The following PPIG variants were observed in gnomAD, a reference collection of about 807,000 sequenced individuals.
PPIG encodes peptidylprolyl isomerase G, also known as peptidyl-prolyl cis-trans isomerase G.
Under a neutral mutation model 87.9 loss-of-function variants are expected in PPIG, and 26 were observed. That is an observed-to-expected ratio of 0.30 (90% CI 0.22 to 0.41). PPIG has a LOEUF of 0.41. Ranked by LOEUF, PPIG falls within the 10% of genes least tolerant of loss-of-function variation. PPIG has a pLI of 1.00. For synonymous variants in PPIG, 308 were observed against 276.5 expected, an observed-to-expected ratio of 1.11 and a Z score of -1.13; for missense variants, 722 against 879.4, an observed-to-expected ratio of 0.82 and a Z score of 2.26.
intron 1 of PPIG, among the ~76,000 whole-genome samples, chr2:169,586,052 C>T (rs1044073770): frequency 2.2e-4 from 34 of 152,052 alleles, no homozygotes; most frequent in African/African-American, 7.5e-4. Context: ...AAAATTTACC[C>T]GTTTTAGCAC....
intron 1 of PPIG, chr2:169,584,762 C>CACTCAGGCGCACACCTCCCT (rs1414240959): frequency 3.2e-6 from 1 of 311,254 alleles, no homozygotes; most frequent in African/African-American, 2.3e-5. Flanking sequence ...CCGCCCTCCC[C>CACTCAGGCGCACACCTCCCT]ACTCAGGCGC....
chr2:169,593,142 A>ATATC (rs1553543428), intron 1 of PPIG, among the ~76,000 whole-genome samples: 2 of 150,992 alleles, frequency 1.3e-5, no homozygotes, highest in Admixed American at 6.6e-5. Context: ...ATATATATAT[A>ATATC]TCTTAGGAAT....
chr2:169,588,507 T>TA (rs1159268243), intron 1 of PPIG, among the ~76,000 whole-genome samples: 13 of 152,346 alleles, frequency 8.5e-5, no homozygotes, highest in African/African-American at 2.6e-4. Flanking sequence ...GGTTATCTCT[T>TA]AGAGTTCCTT....
chr2:169,606,907 G>A (rs7578298), intron 5 of PPIG, among the ~76,000 whole-genome samples, 197 bp from the exon 6 acceptor site: 14 of 151,976 alleles, frequency 9.2e-5, no homozygotes, highest in Non-Finnish European at 1.6e-4. Flanking sequence ...TCACATTCTT[G>A]CTATCATAGC....
chr2:169,602,690 C>T (rs1220648107), intron 1 of PPIG, among the ~76,000 whole-genome samples: 3 of 152,136 alleles, frequency 2.0e-5, no homozygotes, highest in African/African-American at 7.2e-5. Context: ...TTTTATTGAG[C>T]AGTGCTGGTC....
At chr2:169,631,969 A>G (rs1686066151) in intron 11 of PPIG, 36 bp downstream of exon 11, 3 of 1,460,316 alleles carry the variant, frequency 2.1e-6, no homozygotes, top group Admixed American at 2.4e-5. Context: ...TACATGGTTT[A>G]CCATAGAACT....
At chr2:169,609,334 C>G (rs1553545824) in intron 7 of PPIG, among the ~76,000 whole-genome samples, 1 of 152,022 alleles carries the variant, frequency 6.6e-6, no homozygotes, top group Non-Finnish European at 1.5e-5. Context: ...CTCAGCCTTT[C>G]AAGTAGATGG....
chr2:169,616,075 A>T (rs1356392807), intron 9 of PPIG, among the ~76,000 whole-genome samples: 1 of 151,928 alleles, frequency 6.6e-6, no homozygotes, highest in Non-Finnish European at 1.5e-5. Context: ...TTCAACTTCC[A>T]CTTTTGAGTG....
chr2:169,636,565 G>A lies in PPIG; in HGVS notation c.1307G>A (p.Arg436Lys), dbSNP rs370131717. 6.1e-5 allele frequency: 98 copies of A among 1,603,184 alleles called. 1 individual carries two copies. In the Middle Eastern group the frequency reaches 1.5e-3, roughly 24 times the overall value. ...VKDHKSNSKE[R>K]DIRRNSEKDD... ...GACCATAAATCTAACAGCAAAGAGA[G>A]AGACATCAGAAGAAATTCAGAAAAA... The change falls in exon 14 of 14, where the codon AGA becomes AAA. Residue 436 changes from arginine to lysine, a missense_variant. Arg to Lys is a conservative substitution (Grantham distance 26, BLOSUM62 2). Coordinates refer to ENST00000260970, the MANE Select transcript of PPIG (RefSeq NM_004792.3).
chr2:169,630,585 A>C (rs113399083), intron 9 of PPIG, among the ~76,000 whole-genome samples, 189 bp from the exon 10 acceptor site: 2 of 152,274 alleles, frequency 1.3e-5, no homozygotes, highest in African/African-American at 4.8e-5. Context: ...TAAAACTTTG[A>C]CCAGTGAATT....
At chr2:169,595,454 T>G (rs1256192881) in intron 1 of PPIG, among the ~76,000 whole-genome samples, 1 of 152,144 alleles carries the variant, frequency 6.6e-6, no homozygotes, top group Non-Finnish European at 1.5e-5. Context: ...ACAATTAAAT[T>G]TTTTTTGAGT....
intron 12 of PPIG, 63 bp from the exon 13 acceptor site, chr2:169,636,029 G>C: frequency 7.5e-7 from 1 of 1,324,638 alleles, no homozygotes; most frequent in Non-Finnish European, 1.0e-6. Flanking sequence ...CTCCCTCCCA[G>C]CACCCATGCG....
At chr2:169,585,254 T>A (rs933260273) in intron 1 of PPIG, among the ~76,000 whole-genome samples, 29 of 134,198 alleles carry the variant, frequency 2.2e-4, no homozygotes, top group Non-Finnish European at 3.9e-4. Flanking sequence ...GTATGCTAAT[T>A]TGGTTCTTGG....
chr2:169,606,321 C>T lies in PPIG; in HGVS notation c.244+175C>T, dbSNP rs150299231. 8.9e-3 allele frequency among the ~76,000 whole-genome samples: 1,349 copies of T among 151,838 alleles called. 17 individuals carry two copies. Among genetic ancestry groups the T allele is most frequent in the Middle Eastern group, 0.028 (8 of 290 alleles). On this transcript the variant is annotated intron_variant, in intron 5 of 13. Transcript: ENST00000260970. Reference sequence around the variant, plus strand: ...AAGAAGGAAGCTCATAGGCTGGGTGCGGTGGCTCACGCCTGTAATCCCAGC... The same window carrying T: ...AAGAAGGAAGCTCATAGGCTGGGTGTGGTGGCTCACGCCTGTAATCCCAGC...
At chr2:169,631,657 G>A in intron 10 of PPIG, 109 bp from the exon 11 acceptor site, 1 of 1,552,678 alleles carries the variant, frequency 6.4e-7, no homozygotes, top group Non-Finnish European at 8.6e-7. Context: ...GGTAAGGACA[G>A]GATGTTTATA....
intron 1 of PPIG, among the ~76,000 whole-genome samples, chr2:169,590,639 T>G (rs1684839873): frequency 6.6e-6 from 1 of 152,048 alleles, no homozygotes; most frequent in Non-Finnish European, 1.5e-5. Context: ...GGAGGCTCCC[T>G]CTCAGAAAAA....
intron 9 of PPIG, 64 bp downstream of exon 9, chr2:169,614,788 A>G (rs1385177335): frequency 2.1e-6 from 3 of 1,447,134 alleles, no homozygotes; most frequent in African/African-American, 2.9e-5. Context: ...GATACTCTAA[A>G]TAGTTGACAT....
intron 1 of PPIG, among the ~76,000 whole-genome samples, chr2:169,592,550 C>T (rs932356317): frequency 7.2e-5 from 11 of 151,996 alleles, no homozygotes; most frequent in Admixed American, 7.2e-4. Context: ...GTGATCCGCA[C>T]GCCTCGGCCT....
chr2:169,607,290 G>A (rs1300395813), intron 6 of PPIG, 142 bp downstream of exon 6: 3 of 512,148 alleles, frequency 5.9e-6, no homozygotes, highest in Non-Finnish European at 9.8e-6. Flanking sequence ...TAATTTTCTG[G>A]TAAAAAAAAT....
Sources: allele counts gnomAD v4.1 joint callset (sites outside exome capture counted in the v4.1 genomes callset), GRCh38; gene constraint gnomAD v4.1.1; transcripts MANE v1.5; gene names NCBI Gene and HGNC (gene_info 2026-07-23, HGNC 2026-07-21).